NOSIP: variants seen among roughly 807,000 people sequenced by gnomAD.
NOSIP encodes the protein nitric oxide synthase interacting protein.
NOSIP carries 25 observed loss-of-function variants against 36.4 expected under a neutral mutation model. The observed-to-expected ratio is 0.69, with a 90% CI of 0.50 to 0.96. NOSIP has a LOEUF of 0.96. NOSIP is among the 40% of genes least tolerant of loss of function. NOSIP has a pLI of 0.00. For synonymous variants in NOSIP, 187 were observed against 179.2 expected, an observed-to-expected ratio of 1.04 and a Z score of -0.35; for missense variants, 370 against 429.0, an observed-to-expected ratio of 0.86 and a Z score of 1.21.
At chr19:49,576,010 C>T (rs988658044) in intron 1 of NOSIP, among the ~76,000 whole-genome samples, 5 of 152,062 alleles carry the variant, frequency 3.3e-5, no homozygotes, top group African/African-American at 1.2e-4. Flanking sequence ...TGGCGGGCGC[C>T]TGTAGTCCCA....
At chr19:49,580,014 T>C (rs528855553) in intron 1 of NOSIP, among the ~76,000 whole-genome samples, 93 of 151,218 alleles carry the variant, frequency 6.2e-4, no homozygotes, top group Non-Finnish European at 1.1e-3. Context: ...CGTGAATCCC[T>C]GCACCAACCC....
intron 1 of NOSIP, among the ~76,000 whole-genome samples, chr19:49,567,838 A>AT (rs1230015355): frequency 6.6e-6 from 1 of 151,172 alleles, no homozygotes; most frequent in Non-Finnish European, 1.5e-5. Context: ...GGCCCGGCTA[A>AT]TTTTTTTGCA....
chr19:49,570,957 G>A (rs1417767159), intron 1 of NOSIP, among the ~76,000 whole-genome samples: 1 of 151,940 alleles, frequency 6.6e-6, no homozygotes, highest in Non-Finnish European at 1.5e-5. Flanking sequence ...CCTATAGAGG[G>A]AGCATTTAAA....
intron 1 of NOSIP, among the ~76,000 whole-genome samples, chr19:49,568,499 A>G (rs1214805652): frequency 6.6e-6 from 1 of 152,236 alleles, no homozygotes; most frequent in Non-Finnish European, 1.5e-5. Flanking sequence ...CACATAAGCA[A>G]ATGTGAAATT....
At chr19:49,564,403 A>C (rs1407134555) in intron 1 of NOSIP, among the ~76,000 whole-genome samples, 1 of 150,282 alleles carries the variant, frequency 6.7e-6, no homozygotes, top group Non-Finnish European at 1.5e-5. Context: ...GCAGTGAGCC[A>C]AGATCACGCC....
At chr19:49,558,713 C>T in intron 4 of NOSIP, 184 bp downstream of exon 4, 1 of 660,882 alleles carries the variant, frequency 1.5e-6, no homozygotes, top group East Asian at 2.5e-5. Flanking sequence ...TGGGGACTGG[C>T]AGGAGCTCAG....
At chr19:49,567,140 T>C (rs1259236965) in intron 1 of NOSIP, among the ~76,000 whole-genome samples, 1 of 143,462 alleles carries the variant, frequency 7.0e-6, no homozygotes, top group African/African-American at 2.6e-5. Context: ...TTTTTTTTTT[T>C]GAGACGGAGT....
In NOSIP at chr19:49,560,782, C is replaced by T; in HGVS notation, c.-1-90G>A. 6 of 989,928 alleles carry T rather than the reference C, an allele frequency of 6.1e-6. No individual in the cohort carries two copies. The highest frequency in any genetic ancestry group is 9.3e-6 in the Non-Finnish European group (6 of 643,388). The allele number at this position is 989,928 out of a possible 1,614,324, so 61.3% of individuals were successfully genotyped here. ...TGCAGCCCTCAGAGCTGATCTGCCC[C>T]CCTTGATGGGAAAGCGGAGGCGGAG... On this transcript the variant is annotated intron_variant, in intron 1 of 8. Coordinates refer to ENST00000596358, the MANE Select transcript of NOSIP (RefSeq NM_001270960.2). The surrounding 1 kb of genome is among the most constrained non-coding windows in gnomAD (Gnocchi z 4.6).
At chr19:49,557,535 C>G (rs1194275710) in intron 4 of NOSIP, 5 of 1,266,312 alleles carry the variant, frequency 3.9e-6, no homozygotes, top group Non-Finnish European at 2.0e-6. Context: ...AGTGGTTACC[C>G]ACCTCAGCGG....
chr19:49,562,511 A>G (rs1267625723), intron 1 of NOSIP, among the ~76,000 whole-genome samples: 2 of 152,096 alleles, frequency 1.3e-5, no homozygotes, highest in Admixed American at 6.6e-5. Flanking sequence ...GGCTGAAGCA[A>G]GAGGACTGTT....
intron 8 of NOSIP, 66 bp from the exon 9 acceptor site, chr19:49,555,888 G>T: frequency 1.7e-6 from 2 of 1,196,552 alleles, no homozygotes; most frequent in Non-Finnish European, 2.5e-6. Context: ...GGCTCCAGGT[G>T]GTAGTGGGGA....
chr19:49,560,396 A>T lies in NOSIP; in HGVS notation c.70+226T>A. The T allele has an allele frequency of 3.4e-6, 2 of 590,832 alleles. No homozygotes were observed. Among genetic ancestry groups the T allele is most frequent in the Non-Finnish European group, 6.1e-6 (2 of 330,324 alleles). 36.6% of individuals were successfully genotyped at this position (590,832 alleles called of 1,614,324 possible). On this transcript the variant is annotated intron_variant, in intron 2 of 8. Coordinates refer to ENST00000596358, the MANE Select transcript of NOSIP (RefSeq NM_001270960.2). The surrounding 1 kb of genome is among the most constrained non-coding windows in gnomAD (Gnocchi z 4.6). ...TGGGGTAACAAGAGCACCCTCCCTGACACTCTGTTGGGAGGAGTGAGTTCA... is the reference window on the plus strand; with the variant it reads ...TGGGGTAACAAGAGCACCCTCCCTGTCACTCTGTTGGGAGGAGTGAGTTCA...
chr19:49,563,913 T>C (rs1346396005), intron 1 of NOSIP, among the ~76,000 whole-genome samples: 1 of 152,190 alleles, frequency 6.6e-6, no homozygotes, highest in Non-Finnish European at 1.5e-5. Flanking sequence ...TCCAATACTC[T>C]TCTAGATCAG....
chr19:49,556,161 A>C (rs2080238889), intron 8 of NOSIP, among the ~76,000 whole-genome samples, 156 bp downstream of exon 8: 1 of 27,616 alleles, frequency 3.6e-5, no homozygotes, highest in Non-Finnish European at 5.6e-5. Context: ...GGGGCCTTGC[A>C]GGAGAAAGCG....
intron 8 of NOSIP, 76 bp from the exon 9 acceptor site, chr19:49,555,898 AT>A: frequency 9.0e-7 from 1 of 1,106,716 alleles, no homozygotes; most frequent in East Asian, 2.4e-5. Flanking sequence ...GGTAGTGGGG[AT>A]TCCTAAGCGG....
At chr19:49,558,040 C>T in intron 4 of NOSIP, 1 of 557,480 alleles carries the variant, frequency 1.8e-6, no homozygotes, top group Non-Finnish European at 2.3e-6. Flanking sequence ...ACCCACTGTG[C>T]CTCAAACAGG....
chr19:49,563,721 C>G (rs972726765), intron 1 of NOSIP, among the ~76,000 whole-genome samples: 36 of 151,346 alleles, frequency 2.4e-4, no homozygotes, highest in African/African-American at 8.8e-4. Flanking sequence ...CCTTGAACTC[C>G]TGACCTCAGG....
chr19:49,579,382 A>G (rs2080595438), intron 1 of NOSIP: 1 of 152,214 alleles, frequency 6.6e-6, no homozygotes, highest in Non-Finnish European at 1.5e-5. Flanking sequence ...CACTCATGCT[A>G]AAGTTCCATG....
chr19:49,565,731 C>G (rs555455108), intron 1 of NOSIP, among the ~76,000 whole-genome samples: 1 of 151,416 alleles, frequency 6.6e-6, no homozygotes, highest in Non-Finnish European at 1.5e-5. Flanking sequence ...GCTCTCCAGC[C>G]TGGGCAATAG....
Sources: allele counts gnomAD v4.1 joint callset (sites outside exome capture counted in the v4.1 genomes callset), GRCh38; gene constraint gnomAD v4.1.1; non-coding constraint Gnocchi (gnomAD v3.1); transcripts MANE v1.5; gene names NCBI Gene and HGNC (gene_info 2026-07-23, HGNC 2026-07-21).